The following IFIT3 variants were observed in gnomAD, a reference collection of about 807,000 sequenced individuals.
IFIT3 encodes interferon induced protein with tetratricopeptide repeats 3, also known as interferon-induced protein with tetratricopeptide repeats 3.
In IFIT3, 2 loss-of-function variants were observed where a neutral mutation model predicts 2.4. That is an observed-to-expected ratio of 0.82 (90% CI 0.34 to 2.60). The LOEUF is 2.60. IFIT3 is among the 30% of genes most tolerant of loss of function. The pLI is 0.11. For missense variants in IFIT3, 481 were observed against 562.4 expected (o/e 0.86, Z 1.46); for synonymous variants, 203 against 212.1 (o/e 0.96, Z 0.37).
In IFIT3 at chr10:89,340,349, G is replaced by A; in HGVS notation, c.*221G>A. 1 of 409,514 alleles carries A rather than the reference G, an allele frequency of 2.4e-6. No homozygotes were observed. Among genetic ancestry groups the A allele is most frequent in the South Asian group, 4.4e-5 (1 of 22,968 alleles). The allele number at this position is 409,514 out of a possible 1,614,324, so 25.4% of individuals were successfully genotyped here. A position where few individuals can be genotyped will look rare whatever the true frequency, so the allele number is the denominator to read the frequency against. On this transcript the variant is annotated 3_prime_UTR_variant, in exon 2 of 2. Transcript: ENST00000371818. Reference sequence around the variant, plus strand: ...CGAGGTGGGCGGATCACGAGGTCTGGAGTTTGAGACCATCCTGGCTAACAC... The same window carrying A: ...CGAGGTGGGCGGATCACGAGGTCTGAAGTTTGAGACCATCCTGGCTAACAC...
rs1462492699 is a variant in IFIT3, at chr10:89,334,091, G to A, written c.6-4570G>A. 2.0e-5 allele frequency among the ~76,000 whole-genome samples: 3 copies of A among 152,130 alleles called. No individual in the cohort carries two copies. The East Asian group carries it at 5.8e-4, about 29-fold the overall frequency. On this transcript the variant is annotated intron_variant, in intron 1 of 1. Transcript: ENST00000371818. ...CTGCACATGTGCAGACAAGAGTGGG[G>A]AAATCCCCACTCTTACCACTTCAAG...
At position 89,338,819 on chromosome 10, in the gene IFIT3, A is replaced by T; in HGVS notation, c.164A>T (p.Asn55Ile). 6.2e-7 allele frequency: 1 copy of T among 1,614,170 alleles called. No individual in the cohort carries two copies. The highest frequency in any genetic ancestry group is 8.5e-7 in the Non-Finnish European group (1 of 1,180,002). Residue 55 changes from asparagine (N) to isoleucine (I), a missense_variant, in exon 2 of 2, where the codon AAC becomes ATC. Coordinates refer to ENST00000371818, the MANE Select transcript of IFIT3 (RefSeq NM_001549.6). ...ACTGAGTTCAAAGCTACAATGTACA[A>T]CTTGTTGGCCTACATAAAACACCTA... ...LNTEFKATMY[N>I]LLAYIKHLDG...
chr10:89,336,096 T>G (rs1843734178), intron 1 of IFIT3, among the ~76,000 whole-genome samples: 2 of 138,066 alleles, frequency 1.4e-5, no homozygotes, highest in African/African-American at 5.5e-5. Context: ...GGCAATATAG[T>G]GAGACCCTGT....
At chr10:89,332,730 C>T (rs1225439050) in intron 1 of IFIT3, 4 of 1,177,148 alleles carry the variant, frequency 3.4e-6, no homozygotes, top group East Asian at 2.4e-5. Flanking sequence ...ATGCATTTAT[C>T]TAATTCAAGC....
Position 89,339,846 on chromosome 10 carries a change from G to A in IFIT3, c.1191G>A (p.Glu397=), listed in dbSNP as rs190798694. ...GCAAAAAATCAACTGACAAGGAAGA[G>A]ATCAAAGACCAACCACAGAATGTAT... ...SISKKSTDKE[E]IKDQPQNVSE... Residue 397 remains glutamate (E), a synonymous_variant, in exon 2 of 2, where the codon GAG becomes GAA. Coordinates refer to ENST00000371818, the MANE Select transcript of IFIT3 (RefSeq NM_001549.6). The A allele has an allele frequency of 6.2e-7, 1 of 1,614,200 alleles. No individual in the cohort carries two copies.
At chr10:89,333,512 G>A (rs139371071) in intron 1 of IFIT3, among the ~76,000 whole-genome samples, 11 of 152,082 alleles carry the variant, frequency 7.2e-5, no homozygotes, top group Admixed American at 1.3e-4. Flanking sequence ...GAGGCAGGAG[G>A]GGGGAGGGGT....
In IFIT3 at chr10:89,339,828, A is replaced by G; in HGVS notation, c.1173A>G (p.Lys391=). 1.2e-6 allele frequency: 2 copies of G among 1,614,216 alleles called. No individual in the cohort carries two copies. The highest frequency in any genetic ancestry group is 8.5e-7 in the Non-Finnish European group (1 of 1,180,030). Residue 391 remains lysine, a synonymous_variant, in exon 2 of 2, where the codon AAA becomes AAG. Transcript: ENST00000371818. ...TAGAGGGTTTGTCCATAAGCAAAAA[A>G]TCAACTGACAAGGAAGAGATCAAAG... ...HGLEGLSISK[K]STDKEEIKDQ...
rs1291699545 is a variant in IFIT3 at position 89,339,618 on chromosome 10, T to G, written c.963T>G (p.Ala321=). ...KQYAMDYSNK[A]LEKGLNPLNA... ...ATGCTATGGACTATTCGAATAAAGCTCTTGAGAAGGGACTGAATCCTCTGA... is the reference window on the plus strand; with the variant it reads ...ATGCTATGGACTATTCGAATAAAGCGCTTGAGAAGGGACTGAATCCTCTGA... Residue 321 remains alanine, a synonymous_variant, in exon 2 of 2, where the codon GCT becomes GCG. Transcript: ENST00000371818. The G allele has an allele frequency of 6.2e-7, 1 of 1,614,024 alleles. No individual in the cohort carries two copies. The highest frequency in any genetic ancestry group is 8.5e-7 in the Non-Finnish European group (1 of 1,180,032).
In IFIT3 at chr10:89,338,947, G is replaced by T; in HGVS notation, c.292G>T (p.Gly98Ter). Residue 98 changes from glycine to a stop codon, truncating the protein, a stop_gained, in exon 2 of 2, where the codon GGA becomes TGA. Transcript: ENST00000371818. LOFTEE classifies it low-confidence loss of function (END_TRUNC). ...QAEIRSLVTW[G>*]NYAWVYYHLG... The stretch of plus-strand genomic sequence containing the variant: ...AGAAATCAGAAGTCTAGTCACTTGG[G>T]GAAACTACGCCTGGGTCTACTATCA... The T allele has an allele frequency of 6.2e-7, 1 of 1,614,122 alleles. No homozygotes were observed. Among genetic ancestry groups the T allele is most frequent in the Non-Finnish European group, 8.5e-7 (1 of 1,180,010 alleles).
Position 89,336,129 on chromosome 10 carries a change from G to A in IFIT3, c.6-2532G>A, listed in dbSNP as rs556049694. Among the ~76,000 whole-genome samples, 4 of 148,794 alleles carry A rather than the reference G, an allele frequency of 2.7e-5. No individual in the cohort carries two copies. In the South Asian group the frequency reaches 8.9e-4, roughly 33 times the overall value. On this transcript the variant is annotated intron_variant, in intron 1 of 1. Transcript: ENST00000371818. ...TGTCTCTGCAAAAAAAGGAAGGAAG[G>A]GAGGAAAGAAGGAAAATAGGGAGGG...
At chr10:89,337,116 G>A (rs945925377) in intron 1 of IFIT3, among the ~76,000 whole-genome samples, 3 of 152,114 alleles carry the variant, frequency 2.0e-5, no homozygotes, top group African/African-American at 7.2e-5. Flanking sequence ...AGCCTCCGTG[G>A]GTCTGTTTGT....
Position 89,340,019 on chromosome 10 carries a change from G to A in IFIT3, c.1364G>A (p.Ser455Asn), listed in dbSNP as rs139766126. Residue 455 changes from serine (S) to asparagine (N), a missense_variant, in exon 2 of 2, where the codon AGT becomes AAT. Physicochemically the swap from Ser to Asn is conservative, Grantham distance 46. Transcript: ENST00000371818. ...LLRDAPSGIG[S>N]IFLSASELED... ...AGGGATGCCCCTTCAGGCATAGGCA[G>A]TATTTTCCTGTCAGCATCTGAGCTT... The A allele has an allele frequency of 6.1e-4, 985 of 1,614,232 alleles. 12 individuals carry two copies. The highest frequency in any genetic ancestry group is 8.4e-5 in the Non-Finnish European group (99 of 1,180,032).
chr10:89,334,789 C>A (rs1474650128), intron 1 of IFIT3, among the ~76,000 whole-genome samples: 2 of 152,074 alleles, frequency 1.3e-5, no homozygotes, highest in Non-Finnish European at 2.9e-5. Flanking sequence ...CCGCGCCCGG[C>A]CACCTAGCTG....
chr10:89,337,248 G>A (rs1396362614), intron 1 of IFIT3, among the ~76,000 whole-genome samples: 1 of 152,146 alleles, frequency 6.6e-6, no homozygotes, highest in Non-Finnish European at 1.5e-5. Context: ...GGGCAGAGAA[G>A]GTTGGGATAA....
intron 1 of IFIT3, among the ~76,000 whole-genome samples, chr10:89,328,569 A>G (rs1843621343): frequency 6.6e-6 from 1 of 152,248 alleles, no homozygotes; most frequent in Non-Finnish European, 1.5e-5. Context: ...AGATACAATC[A>G]GTACTGCAAA....
At chr10:89,332,505 A>C in intron 1 of IFIT3, 2 of 1,586,736 alleles carry the variant, frequency 1.3e-6, no homozygotes, top group Non-Finnish European at 1.7e-6. Flanking sequence ...CTTTCATAAA[A>C]GCACAGACCT....
chr10:89,328,323 G>GA, intron 1 of IFIT3, among the ~76,000 whole-genome samples: 1 of 152,168 alleles, frequency 6.6e-6, no homozygotes. Flanking sequence ...GCAGGGTGGG[G>GA]AATGCATCAG....
chr10:89,339,076 G>C lies in IFIT3; in HGVS notation c.421G>C (p.Glu141Gln). The change falls in exon 2 of 2, where the codon GAG (glutamate) becomes CAG (glutamine). Residue 141 changes from glutamate to glutamine, a missense_variant. Coordinates refer to ENST00000371818, the MANE Select transcript of IFIT3 (RefSeq NM_001549.6). ...YSIEYSELDCEEGWTQLKCGR... is the reference protein window; with the variant it reads ...YSIEYSELDCQEGWTQLKCGR... Reference sequence around the variant, plus strand: ...TATTGAGTATTCTGAACTTGACTGTGAGGAAGGGTGGACACAACTGAAGTG... The same window carrying C: ...TATTGAGTATTCTGAACTTGACTGTCAGGAAGGGTGGACACAACTGAAGTG... The C allele has an allele frequency of 6.2e-7, 1 of 1,614,088 alleles. No individual in the cohort carries two copies.
intron 1 of IFIT3, chr10:89,332,723 C>A: frequency 8.2e-7 from 1 of 1,219,000 alleles, no homozygotes; most frequent in Non-Finnish European, 1.2e-6. Context: ...ATGAAATATG[C>A]ATTTATCTAA....
Sources: allele counts gnomAD v4.1 joint callset (sites outside exome capture counted in the v4.1 genomes callset), GRCh38; gene constraint gnomAD v4.1.1; transcripts MANE v1.5; gene names NCBI Gene and HGNC (gene_info 2026-07-23, HGNC 2026-07-21).